The following THSD4 variants were observed in gnomAD, a reference collection of about 807,000 sequenced individuals.
The protein encoded by THSD4 is thrombospondin type-1 domain-containing protein 4.
THSD4 carries 69 observed loss-of-function variants against 119.0 expected under a neutral mutation model. That is an observed-to-expected ratio of 0.58 (90% CI 0.48 to 0.71). The LOEUF is 0.71. THSD4 is among the 30% of genes least tolerant of loss of function. The probability of loss-of-function intolerance (pLI) is 0.00; values close to 1 mark genes in which losing one functional copy is unlikely to be tolerated. For missense variants in THSD4, 1,393 were observed against 1,391.1 expected, an observed-to-expected ratio of 1.00 and a Z score of -0.02; for synonymous variants, 524 against 540.4, an observed-to-expected ratio of 0.97 and a Z score of 0.42.
chr15:71,285,870 A>G (rs1053049135), intron 6 of THSD4, among the ~76,000 whole-genome samples: 14 of 151,294 alleles, frequency 9.3e-5, no homozygotes, highest in African/African-American at 3.4e-4. Context: ...AAAAAAAAAA[A>G]AAAAAAAAAA....
intron 4 of THSD4, among the ~76,000 whole-genome samples, chr15:71,230,827 A>C (rs150268726): frequency 6.6e-6 from 1 of 152,298 alleles, no homozygotes; most frequent in Admixed American, 6.5e-5. Context: ...CTCTCTTTTA[A>C]ACTTCCACTG....
intron 3 of THSD4, among the ~76,000 whole-genome samples, chr15:71,200,804 CA>C (rs1417354792): frequency 6.6e-6 from 1 of 152,122 alleles, no homozygotes; most frequent in Non-Finnish European, 1.5e-5. Context: ...AGTGAAAATA[CA>C]ATGCAACTCC....
chr15:71,363,586 C>G lies in THSD4; in HGVS notation c.1016-48101C>G, dbSNP rs148747222. ...GAATATTAAGAACAAAAAGCGAAAT[C>G]ATGACTCCTTTTCAAAGACAAAATG... On this transcript the variant is annotated intron_variant, in intron 6 of 17. Transcript: ENST00000261862. Among the ~76,000 whole-genome samples, 44 of 152,322 alleles carry G rather than the reference C, an allele frequency of 2.9e-4. No individual in the cohort carries two copies. The East Asian group carries it at 8.1e-3, about 28-fold the overall frequency.
intron 3 of THSD4, among the ~76,000 whole-genome samples, chr15:71,206,817 C>T (rs1018311898): frequency 6.6e-6 from 1 of 152,198 alleles, no homozygotes; most frequent in Non-Finnish European, 1.5e-5. Context: ...CCAAATCTTT[C>T]TCCATTTAAT....
chr15:71,746,583 C>T (rs1012699776), intron 12 of THSD4, among the ~76,000 whole-genome samples: 2 of 152,004 alleles, frequency 1.3e-5, no homozygotes, highest in East Asian at 1.9e-4. Context: ...TTTGTAGAGA[C>T]GGGGTTTTGC....
intron 1 of THSD4, among the ~76,000 whole-genome samples, chr15:71,121,122 C>T (rs1244489913): frequency 6.9e-6 from 1 of 143,920 alleles, no homozygotes; most frequent in Non-Finnish European, 1.5e-5. Flanking sequence ...AATGTCGCGT[C>T]TCTGATCACT....
At chr15:71,147,215 A>AT (rs1403149353) in intron 2 of THSD4, among the ~76,000 whole-genome samples, 1 of 151,984 alleles carries the variant, frequency 6.6e-6, no homozygotes, top group African/African-American at 2.4e-5. Context: ...TTGAATTTTT[A>AT]TTTTTTAGAG....
chr15:71,482,342 G>A (rs1029719924), intron 7 of THSD4, among the ~76,000 whole-genome samples: 17 of 147,762 alleles, frequency 1.2e-4, no homozygotes, highest in Non-Finnish European at 2.2e-4. Context: ...CCAGGCTGGA[G>A]TGCAGTGGCA....
intron 7 of THSD4, among the ~76,000 whole-genome samples, chr15:71,439,074 A>G (rs1488288287): frequency 1.3e-5 from 2 of 152,194 alleles, no homozygotes; most frequent in East Asian, 3.8e-4. Context: ...AAATTTATTG[A>G]AAAATGCAGA....
chr15:71,161,740 C>T (rs928866777), intron 3 of THSD4, among the ~76,000 whole-genome samples: 9 of 151,822 alleles, frequency 5.9e-5, no homozygotes, highest in African/African-American at 2.2e-4. Context: ...AATCCATTTA[C>T]ATTCAAGGTT....
At chr15:71,560,344 T>C (rs1243866331) in intron 7 of THSD4, among the ~76,000 whole-genome samples, 1 of 152,238 alleles carries the variant, frequency 6.6e-6, no homozygotes, top group Non-Finnish European at 1.5e-5. Flanking sequence ...TGAGTGCTAT[T>C]TTTTGTGTCA....
intron 3 of THSD4, among the ~76,000 whole-genome samples, chr15:71,212,503 A>C (rs904297343): frequency 6.6e-6 from 1 of 152,196 alleles, no homozygotes; most frequent in African/African-American, 2.4e-5. Flanking sequence ...TATCTGTGTT[A>C]ATGAGAGATC....
At chr15:71,644,012 C>T (rs2050919122) in intron 7 of THSD4, among the ~76,000 whole-genome samples, 1 of 152,138 alleles carries the variant, frequency 6.6e-6, no homozygotes, top group Non-Finnish European at 1.5e-5. Context: ...GAAAATATAT[C>T]TTAAAGATTA....
chr15:71,731,205 C>T lies in THSD4; in HGVS notation c.1618C>T (p.His540Tyr). ...CGCCATCAGCCCCCAGGTGCCACCC[C>T]ACAGGAGACCAGGTAGAATCCCTTG... is the stretch of plus-strand genomic sequence containing the variant. Reference protein sequence around the residue: ...TNAISPQVPPHRRPGEPFNGQ... With the variant: ...TNAISPQVPPYRRPGEPFNGQ... Residue 540 changes from histidine to tyrosine, a missense_variant, in exon 10 of 18, where the codon CAC (histidine) becomes TAC (tyrosine). His to Tyr is a moderately conservative substitution (Grantham distance 83). Coordinates refer to ENST00000261862, the MANE Select transcript of THSD4 (RefSeq NM_024817.3). The T allele has an allele frequency of 6.2e-7, 1 of 1,614,144 alleles. No individual in the cohort carries two copies. The highest frequency in any genetic ancestry group is 8.5e-7 in the Non-Finnish European group (1 of 1,179,998).
rs533844631 is a variant in THSD4, at chr15:71,514,016, T to C, written c.1152+102193T>C. 8.5e-5 allele frequency among the ~76,000 whole-genome samples: 13 copies of C among 152,266 alleles called. No individual in the cohort carries two copies. In the South Asian group the frequency reaches 2.3e-3, roughly 27 times the overall value. On this transcript the variant is annotated intron_variant, in intron 7 of 17. Transcript: ENST00000261862. ...AAGTAGTTGCCTCCATTTAGGGAAA[T>C]TGACTTACTTGTTTACTTGCTTTAT...
chr15:71,202,925 G>A (rs1833565858), intron 3 of THSD4, among the ~76,000 whole-genome samples: 1 of 152,162 alleles, frequency 6.6e-6, no homozygotes, highest in Non-Finnish European at 1.5e-5. Context: ...AGAGCGGGCA[G>A]AACACAAAAA....
At chr15:71,123,394 A>G (rs577053492) in intron 1 of THSD4, among the ~76,000 whole-genome samples, 2 of 152,312 alleles carry the variant, frequency 1.3e-5, no homozygotes, top group Non-Finnish European at 2.9e-5. Context: ...CAGTTTCCTC[A>G]TGTATGAAAT....
chr15:71,577,093 A>C (rs80202694), intron 7 of THSD4, among the ~76,000 whole-genome samples: 1 of 24,854 alleles, frequency 4.0e-5, no homozygotes, highest in Non-Finnish European at 1.4e-4. Context: ...TGTCCTAACA[A>C]AAAAAAAAAA....
At chr15:71,410,119 A>G (rs2046665294) in intron 6 of THSD4, among the ~76,000 whole-genome samples, 1 of 152,176 alleles carries the variant, frequency 6.6e-6, no homozygotes, top group Non-Finnish European at 1.5e-5. Flanking sequence ...AGGTAGGGAA[A>G]TATATCTAGC....
Sources: gnomAD v4.1 joint callset for allele counts (sites outside exome capture counted in the v4.1 genomes callset) on GRCh38, gnomAD v4.1.1 for gene constraint, MANE v1.5 for transcripts, NCBI Gene and HGNC (gene_info 2026-07-23, HGNC 2026-07-21) for gene names.